The following DHX57 variants were observed in gnomAD, a reference collection of about 807,000 sequenced individuals.
The protein encoded by DHX57 is DExH-box helicase 57.
A neutral mutation model predicts 156.2 loss-of-function variants in DHX57; 105 were observed. That is an observed-to-expected ratio of 0.67 (90% CI 0.57 to 0.79). The LOEUF (loss-of-function observed/expected upper bound fraction) is 0.79. Among genes scored for constraint, DHX57 ranks in the 30% least tolerant of loss-of-function variants. The pLI is 0.00. For synonymous variants in DHX57, 704 were observed against 595.6 expected (o/e 1.18, Z -2.65); for missense variants, 1,847 against 1,661.9 (o/e 1.11, Z -1.94).
intron 17 of DHX57, among the ~76,000 whole-genome samples, chr2:38,821,676 G>C (rs906144097): frequency 8.5e-5 from 13 of 152,094 alleles, no homozygotes; most frequent in African/African-American, 3.1e-4. Context: ...CTGGGCAACA[G>C]AGCGAGACCC....
At chr2:38,851,737 A>C (rs923499406) in intron 9 of DHX57, among the ~76,000 whole-genome samples, 1 of 152,216 alleles carries the variant, frequency 6.6e-6, no homozygotes, top group Non-Finnish European at 1.5e-5. Flanking sequence ...GCTACTCTTC[A>C]TATTCAAAAT....
intron 13 of DHX57, among the ~76,000 whole-genome samples, chr2:38,832,027 C>T (rs748341572): frequency 1.3e-5 from 2 of 151,794 alleles, no homozygotes; most frequent in African/African-American, 2.4e-5. Flanking sequence ...CACACACACA[C>T]GAAAAAGAAA....
intron 13 of DHX57, among the ~76,000 whole-genome samples, chr2:38,829,896 A>T (rs1572653118): frequency 6.6e-6 from 1 of 152,252 alleles, no homozygotes; most frequent in Admixed American, 6.5e-5. Context: ...CCATTAACTA[A>T]TCATATCATG....
chr2:38,808,003 G>A (rs1477161198), intron 21 of DHX57, among the ~76,000 whole-genome samples: 2 of 127,474 alleles, frequency 1.6e-5, no homozygotes, highest in Admixed American at 1.8e-4. Context: ...TCACCAGGCT[G>A]GAGTGCAGTG....
chr2:38,806,701 A>G lies in DHX57; in HGVS notation c.3682-8T>C. ...TCCTTCTGGGCTTTTCACCTAAACA[A>G]CAAGTATTTGTAAAAATAGACATAT... On this transcript the variant is annotated splice_polypyrimidine_tract_variant and splice_region_variant and intron_variant, in intron 21 of 23. Transcript: ENST00000457308. 1 of 1,612,586 alleles carries G rather than the reference A, an allele frequency of 6.2e-7. No homozygotes were observed. The highest frequency in any genetic ancestry group is 8.5e-7 in the Non-Finnish European group (1 of 1,179,478).
chr2:38,824,880 C>T (rs1042654982), intron 16 of DHX57, among the ~76,000 whole-genome samples: 2 of 152,076 alleles, frequency 1.3e-5, no homozygotes, highest in African/African-American at 4.8e-5. Context: ...AACTCTTGAC[C>T]TCAGGTGATC....
intron 19 of DHX57, among the ~76,000 whole-genome samples, chr2:38,816,481 G>A (rs748208787): frequency 2.6e-5 from 4 of 152,158 alleles, no homozygotes; most frequent in African/African-American, 4.8e-5. Flanking sequence ...CTCCCAAAGC[G>A]CTGAGATTAC....
intron 1 of DHX57, among the ~76,000 whole-genome samples, chr2:38,874,038 G>A (rs891721793): frequency 1.3e-5 from 2 of 152,234 alleles, no homozygotes; most frequent in East Asian, 1.9e-4. Flanking sequence ...TAGAGGAAAA[G>A]TTGGCCCTCT....
chr2:38,827,839 G>A (rs1354925660), intron 14 of DHX57, among the ~76,000 whole-genome samples: 4 of 151,910 alleles, frequency 2.6e-5, no homozygotes, highest in African/African-American at 9.7e-5. Context: ...ATGCAAATTT[G>A]CTGAGTCACT....
intron 12 of DHX57, 32 bp downstream of exon 12, chr2:38,842,973 T>A (rs1280857089): frequency 1.9e-6 from 3 of 1,596,736 alleles, no homozygotes. Flanking sequence ...ATCTTTGGCA[T>A]AATTATAATA....
At chr2:38,829,620 T>A (rs1671281537) in intron 13 of DHX57, among the ~76,000 whole-genome samples, 1 of 152,160 alleles carries the variant, frequency 6.6e-6, no homozygotes, top group Non-Finnish European at 1.5e-5. Flanking sequence ...GGTCTCACTA[T>A]ACTGCCAAGG....
rs544302136 is a variant in DHX57 at position 38,810,624 on chromosome 2, T to C, written c.3681+3197A>G. On this transcript the variant is annotated intron_variant, in intron 21 of 23. Coordinates refer to ENST00000457308, the MANE Select transcript of DHX57 (RefSeq NM_198963.3). Reference sequence around the variant, plus strand: ...TGTACACCTGGCCCTTGAAGATGGATACCTGCACTTTCCCTTCCACTCGGT... The same window carrying C: ...TGTACACCTGGCCCTTGAAGATGGACACCTGCACTTTCCCTTCCACTCGGT... 157 of 643,180 alleles carry C rather than the reference T, an allele frequency of 2.4e-4. 3 individuals carry two copies. Among genetic ancestry groups the C allele is most frequent in the South Asian group, 2.1e-3 (151 of 71,036 alleles). The allele number at this position is 643,180 out of a possible 1,614,324, so 39.8% of individuals were successfully genotyped here. A position where few individuals can be genotyped will look rare whatever the true frequency, so the allele number is the denominator to read the frequency against.
chr2:38,804,691 C>T (rs1272072308), intron 22 of DHX57, among the ~76,000 whole-genome samples: 1 of 151,662 alleles, frequency 6.6e-6, no homozygotes, highest in Non-Finnish European at 1.5e-5. Context: ...TCTCCACTGG[C>T]CTCTTCATGC....
At chr2:38,849,642 C>T (rs952939281) in intron 9 of DHX57, among the ~76,000 whole-genome samples, 11 of 152,104 alleles carry the variant, frequency 7.2e-5, no homozygotes, top group Non-Finnish European at 1.0e-4. Context: ...CTATATGGCA[C>T]GGTCTACACC....
Position 38,810,948 on chromosome 2 carries a change from G to C in DHX57, c.3681+2873C>G. ...TGAAGAGCACCAAGGAGGTCTGGTG[G>C]GTGGTGCCATCCTTGATGCTGGTCA... On this transcript the variant is annotated intron_variant, in intron 21 of 23. Coordinates refer to ENST00000457308, the MANE Select transcript of DHX57 (RefSeq NM_198963.3). 4.7e-6 allele frequency: 4 copies of C among 844,816 alleles called. No homozygotes were observed. The East Asian group carries it at 1.1e-4, about 23-fold the overall frequency. 52.3% of individuals were successfully genotyped at this position (844,816 alleles called of 1,614,324 possible). A position where few individuals can be genotyped will look rare whatever the true frequency, so the allele number is the denominator to read the frequency against.
chr2:38,816,027 G>A (rs1442940418), intron 19 of DHX57: 54 of 415,012 alleles, frequency 1.3e-4, no homozygotes, highest in Admixed American at 3.4e-5. Flanking sequence ...AACTCCAAGT[G>A]CTGCGGCACT....
intron 20 of DHX57, 44 bp downstream of exon 20, chr2:38,815,477 G>C (rs1389769598): frequency 6.2e-7 from 1 of 1,612,020 alleles, no homozygotes; most frequent in East Asian, 2.2e-5. Flanking sequence ...ATTGTATTTA[G>C]GTGCTAATTA....
chr2:38,801,489 A>C (rs1669675112), intron 23 of DHX57, among the ~76,000 whole-genome samples: 1 of 152,222 alleles, frequency 6.6e-6, no homozygotes, highest in Admixed American at 6.5e-5. Flanking sequence ...GGCTCACTGC[A>C]ACCTCTGCCT....
At chr2:38,830,921 A>G (rs994248006) in intron 13 of DHX57, among the ~76,000 whole-genome samples, 1 of 151,986 alleles carries the variant, frequency 6.6e-6, no homozygotes, top group African/African-American at 2.4e-5. Context: ...CAAGGGAGAC[A>G]CCATCTCTAC....
Sources: allele counts gnomAD v4.1 joint callset (sites outside exome capture counted in the v4.1 genomes callset), GRCh38; gene constraint gnomAD v4.1.1; transcripts MANE v1.5; gene names NCBI Gene and HGNC (gene_info 2026-07-23, HGNC 2026-07-21).